The following GALNT13 variants were observed in gnomAD, a reference collection of about 807,000 sequenced individuals.
GALNT13 encodes the protein polypeptide N-acetylgalactosaminyltransferase 13.
A neutral mutation model predicts 64.2 loss-of-function variants in GALNT13; 28 were observed. The observed-to-expected ratio is 0.44, with a 90% CI of 0.32 to 0.60. The LOEUF (loss-of-function observed/expected upper bound fraction) is 0.60, where lower values mean the gene tolerates loss of function less well. GALNT13 is among the 20% of genes least tolerant of loss of function. The probability of loss-of-function intolerance (pLI) is 0.05; values close to 1 mark genes in which losing one functional copy is unlikely to be tolerated. For synonymous variants in GALNT13, 214 were observed against 224.6 expected (o/e 0.95, Z 0.42); for missense variants, 577 against 669.8 (o/e 0.86, Z 1.53).
chr2:154,308,245 T>C (rs1176184850), intron 9 of GALNT13, among the ~76,000 whole-genome samples: 2 of 152,264 alleles, frequency 1.3e-5, no homozygotes, highest in East Asian at 3.9e-4. Flanking sequence ...GAAGACTCCT[T>C]GAACTTACTT....
chr2:154,231,372 G>T (rs765909467), intron 4 of GALNT13, among the ~76,000 whole-genome samples: 1 of 151,958 alleles, frequency 6.6e-6, no homozygotes. Flanking sequence ...AGACATGGGG[G>T]CCTCTTCAAA....
the GALNT13 span, chr2:153,421,387 A>G: frequency 4.4e-6 from 1 of 227,766 alleles, no homozygotes; most frequent in South Asian, 8.6e-5. Context: ...ATTGTCTACT[A>G]TGAAGGCACA....
chr2:154,101,673 T>C (rs1299411588), intron 3 of GALNT13, among the ~76,000 whole-genome samples: 2 of 152,136 alleles, frequency 1.3e-5, no homozygotes, highest in Non-Finnish European at 2.9e-5. Flanking sequence ...TGATCTTTGT[T>C]ACTCCTTGTC....
chr2:153,296,697 G>A, the GALNT13 span, among the ~76,000 whole-genome samples: 1 of 152,072 alleles, frequency 6.6e-6, no homozygotes, highest in Non-Finnish European at 1.5e-5. Flanking sequence ...TGAAGAGACA[G>A]CATATTTTCA....
chr2:153,159,070 CA>C, the GALNT13 span: 1 of 174,136 alleles, frequency 5.7e-6, no homozygotes, highest in African/African-American at 2.4e-5. Flanking sequence ...GCTCCTCTAC[CA>C]CCTCTTCCTG....
the GALNT13 span, among the ~76,000 whole-genome samples, chr2:153,518,912 T>G: frequency 6.6e-6 from 1 of 152,172 alleles, no homozygotes; most frequent in African/African-American, 2.4e-5. Context: ...AATTGGGTAC[T>G]GTGATTTCTG....
intron 9 of GALNT13, among the ~76,000 whole-genome samples, chr2:154,306,578 C>T (rs911598129): frequency 7.0e-6 from 1 of 141,934 alleles, no homozygotes; most frequent in African/African-American, 2.6e-5. Context: ...AATCAGTCTC[C>T]CTAAAAATTC....
chr2:153,397,817 T>A, the GALNT13 span, among the ~76,000 whole-genome samples: 1 of 152,148 alleles, frequency 6.6e-6, no homozygotes, highest in East Asian at 1.9e-4. Context: ...TCTATATGAC[T>A]CAGAGAATTT....
intron 3 of GALNT13, among the ~76,000 whole-genome samples, chr2:154,075,729 T>G (rs1267075999): frequency 6.6e-6 from 1 of 151,794 alleles, no homozygotes; most frequent in Admixed American, 6.6e-5. Flanking sequence ...AGTCTAATAT[T>G]TATTGTCAGT....
intron 3 of GALNT13, among the ~76,000 whole-genome samples, chr2:153,966,625 T>G (rs898926841): frequency 6.6e-6 from 1 of 152,064 alleles, no homozygotes; most frequent in South Asian, 2.1e-4. Context: ...GCCTCGGCCT[T>G]CCAAAGCGCT....
At chr2:153,258,394 C>G in the GALNT13 span, among the ~76,000 whole-genome samples, 1 of 151,978 alleles carries the variant, frequency 6.6e-6, no homozygotes, top group Non-Finnish European at 1.5e-5. Context: ...CAAAACAAAA[C>G]AAAACAAAAC....
intron 4 of GALNT13, among the ~76,000 whole-genome samples, chr2:154,224,731 C>G (rs1477304173): frequency 6.6e-6 from 1 of 151,986 alleles, no homozygotes; most frequent in Non-Finnish European, 1.5e-5. Flanking sequence ...TAATTTGACA[C>G]AAATCTCACA....
At chr2:153,083,223 C>T in the GALNT13 span, among the ~76,000 whole-genome samples, 2 of 152,222 alleles carry the variant, frequency 1.3e-5, no homozygotes, top group African/African-American at 2.4e-5. Context: ...GGGTAGTTAC[C>T]TGTAGTAGGA....
At chr2:153,677,355 C>T in the GALNT13 span, among the ~76,000 whole-genome samples, 76 of 149,026 alleles carry the variant, frequency 5.1e-4, 1 homozygote, top group African/African-American at 1.8e-3. Flanking sequence ...ACCAAGGAGG[C>T]GAAAGATATA....
At chr2:153,407,971 C>CT in the GALNT13 span, among the ~76,000 whole-genome samples, 2 of 152,092 alleles carry the variant, frequency 1.3e-5, no homozygotes, top group Non-Finnish European at 2.9e-5. Flanking sequence ...CATCGAAATG[C>CT]GTGATTTACA....
At chr2:153,097,543 T>C in the GALNT13 span, among the ~76,000 whole-genome samples, 1 of 152,190 alleles carries the variant, frequency 6.6e-6, no homozygotes. Context: ...ACCTAACACA[T>C]ATTTCTTAAA....
At chr2:153,582,277 G>A in the GALNT13 span, among the ~76,000 whole-genome samples, 47 of 152,188 alleles carry the variant, frequency 3.1e-4, 1 homozygote, top group South Asian at 6.4e-3. Context: ...TTAATGTTCC[G>A]TATTGATGAC....
chr2:153,347,574 T>G, the GALNT13 span, among the ~76,000 whole-genome samples: 1 of 152,230 alleles, frequency 6.6e-6, no homozygotes, highest in South Asian at 2.1e-4. Context: ...TGAAGGCATA[T>G]AGCACTTGAG....
chr2:154,276,327 C>A (rs1486687873), intron 8 of GALNT13, among the ~76,000 whole-genome samples: 1 of 151,984 alleles, frequency 6.6e-6, no homozygotes, highest in African/African-American at 2.4e-5. Context: ...TCAAGCAATT[C>A]TCATGCCTCA....
Sources: allele counts gnomAD v4.1 joint callset (sites outside exome capture counted in the v4.1 genomes callset), GRCh38; gene constraint gnomAD v4.1.1; transcripts MANE v1.5; gene names NCBI Gene and HGNC (gene_info 2026-07-23, HGNC 2026-07-21).